Variants in ZNF391 observed in about 807,000 individuals in gnomAD.
The protein encoded by ZNF391 is zinc finger protein 391.
For synonymous variants in ZNF391, 126 were observed against 142.1 expected, an observed-to-expected ratio of 0.89 and a Z score of 0.80; for missense variants, 375 against 425.5, an observed-to-expected ratio of 0.88 and a Z score of 1.04.
intron 1 of ZNF391, among the ~76,000 whole-genome samples, chr6:27,391,433 C>A (rs922078994): frequency 3.3e-5 from 5 of 152,086 alleles, no homozygotes; most frequent in African/African-American, 1.2e-4. Flanking sequence ...GTCTTGAAAT[C>A]CTGACCTCAG....
chr6:27,399,528 A>C lies in ZNF391; in HGVS notation c.-101A>C, dbSNP rs1252562802. On this transcript the variant is annotated 5_prime_UTR_variant, in exon 2 of 3. Transcript: ENST00000244576. ...GGATCTTCAGGAAGCTGAAGAGGGCAGTGCCCAGAAATACCTGTCTTGGTG... is the reference window on the plus strand; with the variant it reads ...GGATCTTCAGGAAGCTGAAGAGGGCCGTGCCCAGAAATACCTGTCTTGGTG... The C allele has an allele frequency of 6.6e-6, 1 of 152,274 alleles. No homozygotes were observed. The highest frequency in any genetic ancestry group is 1.5e-5 in the Non-Finnish European group (1 of 68,054). 9.4% of individuals were successfully genotyped at this position (152,274 alleles called of 1,614,324 possible).
At chr6:27,392,438 T>A (rs756382198) in intron 1 of ZNF391, among the ~76,000 whole-genome samples, 3 of 152,130 alleles carry the variant, frequency 2.0e-5, no homozygotes, top group Non-Finnish European at 4.4e-5. Flanking sequence ...ATATTTGTAT[T>A]AGAGATGGGG....
In ZNF391 at chr6:27,400,587, G is replaced by A. The variant is rs200362306; in HGVS notation, c.217G>A (p.Ala73Thr). 3.8e-4 allele frequency: 612 copies of A among 1,614,144 alleles called. No individual in the cohort carries two copies. Among genetic ancestry groups the A allele is most frequent in the Middle Eastern group, 1.2e-3 (7 of 6,062 alleles). The change falls in exon 3 of 3, where the codon GCA becomes ACA. Residue 73 changes from alanine (A) to threonine (T), a missense_variant. Transcript: ENST00000244576. ...ATTTAGTCTAAGCCCAAACCTTGAC[G>A]CACAACAGAAAATTCCAAAGGGACA... The part of the protein sequence containing the change: ...SEFSLSPNLD[A>T]QQKIPKGHGS...
intron 1 of ZNF391, 115 bp from the exon 2 acceptor site, chr6:27,399,327 A>T (rs1432770626): frequency 1.3e-5 from 2 of 152,118 alleles, no homozygotes; most frequent in African/African-American, 4.8e-5. Flanking sequence ...CCTGCCATAG[A>T]CCCTGTGAAA....
rs1175076036 is a variant in ZNF391, at chr6:27,403,466, G to T, written c.*2019G>T. 6.6e-6 allele frequency: 1 copy of T among 152,064 alleles called. No individual in the cohort carries two copies. Among genetic ancestry groups the T allele is most frequent in the Non-Finnish European group, 1.5e-5 (1 of 68,010 alleles). 9.4% of individuals were successfully genotyped at this position (152,064 alleles called of 1,614,324 possible). A position where few individuals can be genotyped will look rare whatever the true frequency, so the allele number is the denominator to read the frequency against. ...TTCTTAGAAATCCTTTGTAGTGATG[G>T]TTTGCATTATTCTCCTGTATTAGAC... is the stretch of plus-strand genomic sequence containing the variant. On this transcript the variant is annotated 3_prime_UTR_variant, in exon 3 of 3. Coordinates refer to ENST00000244576, the MANE Select transcript of ZNF391 (RefSeq NM_001076781.3).
intron 1 of ZNF391, among the ~76,000 whole-genome samples, chr6:27,395,910 A>G (rs1471360108): frequency 6.6e-6 from 1 of 152,208 alleles, no homozygotes; most frequent in Non-Finnish European, 1.5e-5. Flanking sequence ...ACTAAGTACA[A>G]CATTCCCATT....
intron 1 of ZNF391, among the ~76,000 whole-genome samples, chr6:27,393,465 TA>T (rs1472205338): frequency 1.3e-5 from 2 of 152,204 alleles, no homozygotes; most frequent in African/African-American, 4.8e-5. Context: ...ACCATGGTTG[TA>T]CAGCCTGAAG....
intron 1 of ZNF391, chr6:27,395,119 G>A (rs10080558): frequency 0.71 from 106,928 of 151,322 alleles, 37,969 homozygotes; most frequent in Middle Eastern, 0.81. Context: ...GGACTATTGA[G>A]CAGTCCCCTA....
upstream of ZNF391, among the ~76,000 whole-genome samples, chr6:27,386,368 A>G (rs1201089649): frequency 1.3e-5 from 2 of 152,208 alleles, no homozygotes. Flanking sequence ...TCCTTATAAA[A>G]ATTTCAACAT....
At chr6:27,393,071 A>C (rs1344154115) in intron 1 of ZNF391, among the ~76,000 whole-genome samples, 2 of 152,164 alleles carry the variant, frequency 1.3e-5, no homozygotes, top group African/African-American at 4.8e-5. Context: ...GTATGTGTCT[A>C]TCATATGTGT....
Position 27,400,801 on chromosome 6 carries a change from A to T in ZNF391, c.431A>T (p.Lys144Ile), listed in dbSNP as rs1402158415. The change falls in exon 3 of 3, where the codon AAA (lysine) becomes ATA (isoleucine). Residue 144 changes from lysine (K) to isoleucine (I), a missense_variant. Transcript: ENST00000244576. The part of the protein sequence containing the change: ...EKPFECNKCG[K>I]SFSRSTHLIE... ...CCTTTTGAATGCAACAAATGTGGGA[A>T]ATCTTTCAGCCGAAGTACACACCTT... The T allele has an allele frequency of 9.9e-6, 16 of 1,614,112 alleles. No individual in the cohort carries two copies. The highest frequency in any genetic ancestry group is 1.3e-5 in the African/African-American group (1 of 74,936).
At chr6:27,377,327 T>C (rs1395242207) in intron 1 of ZNF391, among the ~76,000 whole-genome samples, 1 of 152,190 alleles carries the variant, frequency 6.6e-6, no homozygotes, top group Non-Finnish European at 1.5e-5. Context: ...TGCAACTTGG[T>C]GTTGTCAGTC....
chr6:27,389,295 T>C (rs1308120850), intron 1 of ZNF391: 2 of 455,952 alleles, frequency 4.4e-6, no homozygotes, highest in Non-Finnish European at 8.8e-6. Flanking sequence ...CCCGGGTGTA[T>C]CCCTGGGAGA....
chr6:27,389,114 G>C, intron 1 of ZNF391, 39 bp downstream of exon 1: 1 of 456,690 alleles, frequency 2.2e-6, no homozygotes, highest in South Asian at 1.5e-5. Flanking sequence ...GGAAACACGG[G>C]TTCTTCGAAG....
chr6:27,396,786 G>T (rs1320363729), intron 1 of ZNF391, among the ~76,000 whole-genome samples: 1 of 152,116 alleles, frequency 6.6e-6, no homozygotes, highest in African/African-American at 2.4e-5. Flanking sequence ...TAAAAGCTAT[G>T]CAAAATACTT....
intron 1 of ZNF391, among the ~76,000 whole-genome samples, chr6:27,382,963 T>G (rs946437429): frequency 9.2e-5 from 14 of 151,734 alleles, no homozygotes; most frequent in Non-Finnish European, 1.9e-4. Flanking sequence ...CTACCAAAAA[T>G]ACAAAAATTA....
chr6:27,397,230 G>C (rs1022517), intron 1 of ZNF391, among the ~76,000 whole-genome samples: 107,803 of 152,064 alleles, frequency 0.71, 38,445 homozygotes, highest in Middle Eastern at 0.82. Context: ...AAGGTAAAGG[G>C]GGAGCAAGCA....
intron 1 of ZNF391, among the ~76,000 whole-genome samples, chr6:27,378,643 A>T (rs1380857002): frequency 6.6e-6 from 1 of 152,218 alleles, no homozygotes; most frequent in Non-Finnish European, 1.5e-5. Flanking sequence ...CAGTTACTTC[A>T]GGCCATCTGC....
chr6:27,397,748 C>G (rs2143063), intron 1 of ZNF391, among the ~76,000 whole-genome samples: 107,966 of 151,644 alleles, frequency 0.71, 38,615 homozygotes, highest in Middle Eastern at 0.82. Flanking sequence ...TCCAGCCTCA[C>G]CCCCCCAAGT....
Sources: gnomAD v4.1 joint callset for allele counts (sites outside exome capture counted in the v4.1 genomes callset) on GRCh38, gnomAD v4.1.1 for gene constraint, MANE v1.5 for transcripts, NCBI Gene and HGNC (gene_info 2026-07-23, HGNC 2026-07-21) for gene names.